Variants in GHITM observed in about 807,000 individuals in gnomAD.
GHITM encodes growth hormone inducible transmembrane protein.
In GHITM, 24 loss-of-function variants were observed where a neutral mutation model predicts 38.7. That is an observed-to-expected ratio of 0.62 (90% CI 0.45 to 0.87). The LOEUF is 0.87. GHITM is among the 40% of genes least tolerant of loss of function. The probability of loss-of-function intolerance (pLI) is 0.00; values close to 1 mark genes in which losing one functional copy is unlikely to be tolerated. For missense variants in GHITM, 420 were observed against 429.8 expected, an observed-to-expected ratio of 0.98 and a Z score of 0.20; for synonymous variants, 154 against 147.8, an observed-to-expected ratio of 1.04 and a Z score of -0.30.
At position 84,150,252 on chromosome 10, in the gene GHITM, C is replaced by A. The variant is rs775269725; in HGVS notation, c.781+9C>A. 6.3e-7 allele frequency: 1 copy of A among 1,591,134 alleles called. No individual in the cohort carries two copies. Among genetic ancestry groups the A allele is most frequent in the Non-Finnish European group, 8.6e-7 (1 of 1,166,084 alleles). On this transcript the variant is annotated intron_variant, in intron 7 of 8. Transcript: ENST00000372134. ...CTTTGTGTCCTCATTGGGTAAGCTG[C>A]TGTGTTTTAACACTTAATTCTTGGT...
intron 5 of GHITM, among the ~76,000 whole-genome samples, chr10:84,145,671 C>T (rs943837948): frequency 1.3e-5 from 2 of 152,182 alleles, no homozygotes; most frequent in African/African-American, 4.8e-5. Flanking sequence ...TATATTTAAT[C>T]GGTTTCTCTG....
Position 84,149,235 on chromosome 10 carries a change from G to A in GHITM, c.592+397G>A, listed in dbSNP as rs140152098. 5.1e-3 allele frequency among the ~76,000 whole-genome samples: 772 copies of A among 152,268 alleles called. 5 individuals carry two copies. Among genetic ancestry groups the A allele is most frequent in the African/African-American group, 0.018 (735 of 41,556 alleles). ...CTGCGAAATAACAAAAAACTGAGAG[G>A]AGTCCTAATAGAAGTGTTCTGTGTA... On this transcript the variant is annotated intron_variant, in intron 6 of 8. Coordinates refer to ENST00000372134, the MANE Select transcript of GHITM (RefSeq NM_014394.3).
At chr10:84,148,280 TTTTA>T (rs1294840528) in intron 5 of GHITM, among the ~76,000 whole-genome samples, 2 of 146,938 alleles carry the variant, frequency 1.4e-5, no homozygotes, top group Non-Finnish European at 3.0e-5. Context: ...AGTTTTTATT[TTTTA>T]TTTTTTATTT....
rs538085368 is a variant in GHITM, at chr10:84,152,725, A to G, written c.*377A>G. On this transcript the variant is annotated 3_prime_UTR_variant, in exon 9 of 9. Coordinates refer to ENST00000372134, the MANE Select transcript of GHITM (RefSeq NM_014394.3). ...TTTGCATATTTTTTTGGAGTGCAGA[A>G]TATTGTAATTAATGTCATAAGTGAT... 6.0e-6 allele frequency: 1 copy of G among 166,574 alleles called. No individual in the cohort carries two copies. Among genetic ancestry groups the G allele is most frequent in the South Asian group, 1.8e-4 (1 of 5,542 alleles). The allele number at this position is 166,574 out of a possible 1,614,324, so 10.3% of individuals were successfully genotyped here. A position where few individuals can be genotyped will look rare whatever the true frequency, so the allele number is the denominator to read the frequency against.
At chr10:84,150,914 T>C (rs200424624) in intron 8 of GHITM, 34 bp downstream of exon 8, 182 of 1,425,178 alleles carry the variant, frequency 1.3e-4, no homozygotes, top group Non-Finnish European at 1.1e-4. Flanking sequence ...ACTGTTACTC[T>C]GTCACATAAG....
intron 6 of GHITM, among the ~76,000 whole-genome samples, chr10:84,149,154 G>A (rs1470057732): frequency 1.3e-5 from 2 of 152,016 alleles, no homozygotes; most frequent in South Asian, 2.1e-4. Context: ...GTTTTTGTCT[G>A]GTATGTTTAG....
intron 3 of GHITM, among the ~76,000 whole-genome samples, 181 bp downstream of exon 3, chr10:84,142,935 A>G (rs1317966352): frequency 6.6e-6 from 1 of 152,222 alleles, no homozygotes; most frequent in Non-Finnish European, 1.5e-5. Context: ...GTTATCAATC[A>G]TATTTCTTCC....
At chr10:84,148,657 T>G (rs1841580933) in intron 5 of GHITM, 73 bp from the exon 6 acceptor site, 1 of 853,740 alleles carries the variant, frequency 1.2e-6, no homozygotes. Context: ...TAACTAATTG[T>G]ACTTCAAACC....
chr10:84,144,850 A>T, intron 4 of GHITM, 25 bp from the exon 5 acceptor site: 1 of 1,525,210 alleles, frequency 6.6e-7, no homozygotes, highest in Non-Finnish European at 8.9e-7. Context: ...AATTTCATAG[A>T]TTAATCATGT....
chr10:84,145,065 T>C lies in GHITM; in HGVS notation c.483+49T>C, dbSNP rs138549256. 1,107 of 1,453,128 alleles carry C rather than the reference T, an allele frequency of 7.6e-4. 6 individuals are homozygous for C. The African/African-American group carries it at 0.014, about 18-fold the overall frequency. The allele number at this position is 1,453,128 out of a possible 1,614,324, so 90.0% of individuals were successfully genotyped here. On this transcript the variant is annotated intron_variant, in intron 5 of 8. Transcript: ENST00000372134. ...CTTTTTCATCTAAAGATCAAAAGAT[T>C]AGATAAAATATATTGGAGGGAAGGG...
intron 3 of GHITM, among the ~76,000 whole-genome samples, chr10:84,143,158 C>G (rs1841524717): frequency 6.6e-6 from 1 of 152,208 alleles, no homozygotes; most frequent in African/African-American, 2.4e-5. Flanking sequence ...TAACTCACTG[C>G]TCACATAGGG....
Position 84,148,870 on chromosome 10 carries a change from C to G in GHITM, c.592+32C>G, listed in dbSNP as rs771198219. ...TCTGTTTTAAATTGTTACGAGACAA[C>G]CTTGACTACCACCTTTTTTGGGTGG... On this transcript the variant is annotated intron_variant, in intron 6 of 8. Coordinates refer to ENST00000372134, the MANE Select transcript of GHITM (RefSeq NM_014394.3). 19 of 1,290,880 alleles carry G rather than the reference C, an allele frequency of 1.5e-5. No homozygotes were observed. In the South Asian group the frequency reaches 2.0e-4, roughly 14 times the overall value. The allele number at this position is 1,290,880 out of a possible 1,614,324, so 80.0% of individuals were successfully genotyped here.
chr10:84,140,528 C>T (rs1841496232), intron 1 of GHITM: 1 of 152,158 alleles, frequency 6.6e-6, no homozygotes, highest in South Asian at 2.1e-4. Context: ...AACACGGAAT[C>T]CTTATGTTAC....
intron 5 of GHITM, among the ~76,000 whole-genome samples, chr10:84,145,608 C>A (rs932311359): frequency 6.6e-6 from 1 of 152,190 alleles, no homozygotes; most frequent in East Asian, 1.9e-4. Context: ...CAGTTAAGAG[C>A]AGAATAGTGC....
chr10:84,145,280 TAAC>T (rs1171105524), intron 5 of GHITM, among the ~76,000 whole-genome samples: 1 of 152,200 alleles, frequency 6.6e-6, no homozygotes, highest in African/African-American at 2.4e-5. Context: ...TCCTGAACCC[TAAC>T]AACAATGAAG....
chr10:84,139,633 G>A (rs1841484988), intron 1 of GHITM, 40 bp downstream of exon 1: 1 of 152,330 alleles, frequency 6.6e-6, no homozygotes, highest in African/African-American at 2.4e-5. Context: ...GGGATCCCCG[G>A]TGGTCCTGAC....
intron 2 of GHITM, among the ~76,000 whole-genome samples, chr10:84,142,442 AAGGTGGAGCAC>A (rs1193229058): frequency 4.6e-5 from 7 of 152,238 alleles, no homozygotes; most frequent in Non-Finnish European, 1.0e-4. Flanking sequence ...CTAACTTCCA[AAGGTGGAGCAC>A]AGGGAAGGTC....
intron 3 of GHITM, among the ~76,000 whole-genome samples, chr10:84,143,701 G>A (rs1841530315): frequency 1.3e-5 from 2 of 152,080 alleles, no homozygotes; most frequent in African/African-American, 4.8e-5. Context: ...AAAATAATAG[G>A]TATCACAGAA....
chr10:84,148,862 C>A (rs143050321), intron 6 of GHITM, 24 bp downstream of exon 6: 4 of 1,427,498 alleles, frequency 2.8e-6, no homozygotes, highest in African/African-American at 2.8e-5. Context: ...TAAATTGTTA[C>A]GAGACAACCT....
Sources: allele counts gnomAD v4.1 joint callset (sites outside exome capture counted in the v4.1 genomes callset), GRCh38; gene constraint gnomAD v4.1.1; transcripts MANE v1.5; gene names NCBI Gene and HGNC (gene_info 2026-07-23, HGNC 2026-07-21).